Variants in USH2A observed in about 807,000 individuals in gnomAD.
USH2A encodes the protein usherin.
In USH2A, 443 loss-of-function variants were observed where a neutral mutation model predicts 538.9. The ratio of observed to expected loss-of-function variants is 0.82; its 90% CI spans 0.76 to 0.89. The LOEUF (loss-of-function observed/expected upper bound fraction) is 0.89. Among genes scored for constraint, USH2A ranks in the 40% least tolerant of loss-of-function variants. The pLI is 0.00. For missense variants in USH2A, 6,633 were observed against 6,324.8 expected (o/e 1.05, Z -1.65); for synonymous variants, 2,413 against 2,273.5 (o/e 1.06, Z -1.75).
intron 58 of USH2A, among the ~76,000 whole-genome samples, chr1:215,748,388 A>T (rs1236596611): frequency 6.6e-6 from 1 of 152,228 alleles, no homozygotes; most frequent in Non-Finnish European, 1.5e-5. Flanking sequence ...GATTAGTAGA[A>T]AATGTTTTCC....
At chr1:216,371,213 C>T (rs533215979) in intron 3 of USH2A, among the ~76,000 whole-genome samples, 1 of 152,280 alleles carries the variant, frequency 6.6e-6, no homozygotes, top group African/African-American at 2.4e-5. Context: ...AAATTTAATC[C>T]CTTTTCCATG....
intron 21 of USH2A, among the ~76,000 whole-genome samples, chr1:216,166,369 T>C (rs1257820706): frequency 6.6e-6 from 1 of 151,740 alleles, no homozygotes; most frequent in East Asian, 1.9e-4. Flanking sequence ...CAGTCCTTGG[T>C]GGGAGAGATG....
chr1:216,316,176 T>G (rs183118496), intron 9 of USH2A, among the ~76,000 whole-genome samples: 102 of 152,214 alleles, frequency 6.7e-4, no homozygotes, highest in Non-Finnish European at 1.1e-3. Context: ...GTAAATGTTT[T>G]TAGATGTCAA....
chr1:216,103,470 AAGTAATAGCCAT>A (rs1317733504), intron 21 of USH2A, among the ~76,000 whole-genome samples: 2 of 152,246 alleles, frequency 1.3e-5, no homozygotes, highest in Non-Finnish European at 2.9e-5. Flanking sequence ...GGAAATTGTC[AAGTAATAGCCAT>A]ACAAAGCTAT....
intron 34 of USH2A, among the ~76,000 whole-genome samples, chr1:215,996,569 T>G (rs1441989957): frequency 2.2e-5 from 2 of 91,352 alleles, no homozygotes; most frequent in African/African-American, 3.7e-5. Context: ...TGTTTTTTTT[T>G]TTTTTTTTTT....
chr1:216,302,595 ATAAC>A (rs954873785), intron 9 of USH2A, among the ~76,000 whole-genome samples: 8 of 152,172 alleles, frequency 5.3e-5, no homozygotes, highest in African/African-American at 1.9e-4. Flanking sequence ...CATAAAATAA[ATAAC>A]TACTAATACT....
chr1:216,073,117 C>T lies in USH2A; in HGVS notation c.5756G>A (p.Gly1919Asp). 2.5e-6 allele frequency: 4 copies of T among 1,613,736 alleles called. No homozygotes were observed. Among genetic ancestry groups the T allele is most frequent in the Non-Finnish European group, 1.7e-6 (2 of 1,179,906 alleles). The part of the protein sequence containing the change: ...YQGKEQSVYE[G>D]GLQPFTEYLY... ...ATTACCTGTAAAAGGCTGGAGACCA[C>T]CCTCGTAAACACTCTGCTCTTTTCC... is the stretch of plus-strand genomic sequence containing the variant. Residue 1919 changes from glycine to aspartate, a missense_variant, in exon 28 of 72, where the codon GGT becomes GAT. Physicochemically the swap from Gly to Asp is moderately conservative, Grantham distance 94. Coordinates refer to ENST00000307340, the MANE Select transcript of USH2A (RefSeq NM_206933.4).
At chr1:216,277,262 T>C (rs2036688005) in intron 11 of USH2A, among the ~76,000 whole-genome samples, 1 of 152,128 alleles carries the variant, frequency 6.6e-6, no homozygotes, top group African/African-American at 2.4e-5. Context: ...GAGGCAGTAA[T>C]TGTTTTCTCA....
intron 35 of USH2A, among the ~76,000 whole-genome samples, chr1:215,992,342 A>C (rs911463049): frequency 6.6e-6 from 1 of 152,210 alleles, no homozygotes; most frequent in Non-Finnish European, 1.5e-5. Flanking sequence ...CCACTAAATG[A>C]ATAAAGCAAT....
chr1:216,003,523 T>C (rs1325312341), intron 32 of USH2A, among the ~76,000 whole-genome samples: 1 of 151,676 alleles, frequency 6.6e-6, no homozygotes, highest in Non-Finnish European at 1.5e-5. Context: ...TGGGGATGAG[T>C]GTAAAAGTTA....
chr1:216,379,814 C>T (rs566859829), intron 3 of USH2A, among the ~76,000 whole-genome samples: 3 of 152,268 alleles, frequency 2.0e-5, no homozygotes, highest in African/African-American at 2.4e-5. Flanking sequence ...ATTACATTTG[C>T]GACCCTCCCC....
rs1177677746 is a variant in USH2A at position 215,647,646 on chromosome 1, C to G, written c.14667G>C (p.Gly4889=). 6.2e-7 allele frequency: 1 copy of G among 1,614,176 alleles called. No individual in the cohort carries two copies. ...CCCCAAGGCTGGCTTTCTGCCCCAG[C>G]CCCGTGTACTTTGTTTCTATTTGGC... ...TPSQIETKYT[G]LGQKASLGGL... Residue 4889 remains glycine, a synonymous_variant, in exon 67 of 72, where the codon GGG becomes GGC. Transcript: ENST00000307340.
chr1:216,323,680 G>T lies in USH2A; in HGVS notation c.1344C>A (p.Ser448=), dbSNP rs201549921. Residue 448 remains serine (S), a synonymous_variant, in exon 8 of 72, where the codon TCC becomes TCA. Transcript: ENST00000307340. ...GGATGCTAAATGTGACATTGCCACG[G>T]GAATATGGAGTAAAACTGTTAATGA... ...CLQLSNFTPY[S]RGNVTFSILT... The T allele has an allele frequency of 8.7e-6, 14 of 1,613,182 alleles. No homozygotes were observed. The highest frequency in any genetic ancestry group is 9.3e-6 in the Non-Finnish European group (11 of 1,179,604).
At chr1:216,013,785 C>T (rs1668637033) in intron 32 of USH2A, among the ~76,000 whole-genome samples, 1 of 152,096 alleles carries the variant, frequency 6.6e-6, no homozygotes, top group Non-Finnish European at 1.5e-5. Context: ...TTTTCGGACT[C>T]AGCCCACCTG....
chr1:216,250,976 G>C lies in USH2A; in HGVS notation c.2094C>G (p.Thr698=), dbSNP rs141489104. 86 of 1,613,936 alleles carry C rather than the reference G, an allele frequency of 5.3e-5. No individual in the cohort carries two copies. The highest frequency in any genetic ancestry group is 6.8e-5 in the Non-Finnish European group (80 of 1,180,000). ...PDGCSPCNCN[T]SGTVDGDITC... ...TAATATCTCCATCCACTGTCCCAGA[G>C]GTATTGCAGTTACAGGGACTGCAGC... Residue 698 remains threonine, a synonymous_variant, in exon 12 of 72, where the codon ACC becomes ACG. Coordinates refer to ENST00000307340, the MANE Select transcript of USH2A (RefSeq NM_206933.4).
intron 61 of USH2A, among the ~76,000 whole-genome samples, chr1:215,706,569 G>A (rs146125069): frequency 3.4e-4 from 51 of 152,064 alleles, no homozygotes; most frequent in African/African-American, 1.2e-3. Flanking sequence ...GGCTCCAAAC[G>A]GGTTAACTGG....
chr1:215,664,463 C>A (rs1657542403), intron 64 of USH2A, among the ~76,000 whole-genome samples: 1 of 152,146 alleles, frequency 6.6e-6, no homozygotes, highest in Admixed American at 6.5e-5. Flanking sequence ...TTAGAAAATT[C>A]TGTTGCTTTG....
At chr1:216,225,529 C>T (rs899687106) in intron 14 of USH2A, among the ~76,000 whole-genome samples, 3 of 152,094 alleles carry the variant, frequency 2.0e-5, no homozygotes, top group African/African-American at 7.2e-5. Context: ...CCTTGGGTCC[C>T]ATATGGCCAT....
chr1:215,689,078 T>C (rs1658520657), intron 61 of USH2A, among the ~76,000 whole-genome samples: 1 of 150,746 alleles, frequency 6.6e-6, no homozygotes, highest in Non-Finnish European at 1.5e-5. Flanking sequence ...AGGTTTTTCT[T>C]CTTGAGAGAA....
Sources: allele counts gnomAD v4.1 joint callset (sites outside exome capture counted in the v4.1 genomes callset), GRCh38; gene constraint gnomAD v4.1.1; transcripts MANE v1.5; gene names NCBI Gene and HGNC (gene_info 2026-07-23, HGNC 2026-07-21).